Variants in ADCY3 observed in about 807,000 individuals in gnomAD.
The protein encoded by ADCY3 is adenylate cyclase type 3.
ADCY3 carries 70 observed loss-of-function variants against 119.4 expected under a neutral mutation model. That is an observed-to-expected ratio of 0.59 (90% CI 0.48 to 0.72). The LOEUF is 0.72. ADCY3 is among the 30% of genes least tolerant of loss of function. The pLI is 0.00. For synonymous variants in ADCY3, 672 were observed against 621.4 expected (o/e 1.08, Z -1.21); for missense variants, 1,238 against 1,541.6 (o/e 0.80, Z 3.30).
At chr2:24,915,365 C>T (rs1336088007) in intron 2 of ADCY3, among the ~76,000 whole-genome samples, 1 of 152,072 alleles carries the variant, frequency 6.6e-6, no homozygotes, top group Admixed American at 6.5e-5. Context: ...GGGCCTGGTC[C>T]CCTGGTTCTT....
intron 19 of ADCY3, 167 bp from the exon 20 acceptor site, chr2:24,821,807 ACT>A (rs1667766383): frequency 2.0e-6 from 2 of 1,002,638 alleles, no homozygotes; most frequent in South Asian, 1.6e-5. Flanking sequence ...CTGACTTGCC[ACT>A]GTGACAAAGT....
At chr2:24,895,957 A>G (rs746675807) in intron 2 of ADCY3, among the ~76,000 whole-genome samples, 22 of 152,040 alleles carry the variant, frequency 1.4e-4, no homozygotes, top group Non-Finnish European at 2.2e-4. Flanking sequence ...CTAGCTTTTC[A>G]TTTTTGATTT....
chr2:24,819,946 C>T lies in ADCY3; in HGVS notation c.3421G>A (p.Val1141Met), dbSNP rs753421229. 34 of 1,613,838 alleles carry T rather than the reference C, an allele frequency of 2.1e-5. No homozygotes were observed. The highest frequency in any genetic ancestry group is 2.8e-5 in the Non-Finnish European group (33 of 1,179,920). Residue 1141 changes from valine (V) to methionine (M), a missense_variant, in exon 22 of 22, where the codon GTG (valine) becomes ATG (methionine). Coordinates refer to ENST00000679454, the MANE Select transcript of ADCY3 (RefSeq NM_004036.5). The stretch of plus-strand genomic sequence containing the variant: ...CTCGAGGCCATTCAGGAGTTGTCCA[C>T]CACCTGGTGGGGCAGTGTGACAGAG... ...GPSVTLPHQV[V>M]DNS
intron 3 of ADCY3, among the ~76,000 whole-genome samples, chr2:24,848,124 C>T (rs949934920): frequency 6.6e-6 from 1 of 152,262 alleles, no homozygotes. Context: ...TAAACAAAAT[C>T]TCTGCAGCAC....
At chr2:24,824,186 A>G (rs187630373) in intron 17 of ADCY3, among the ~76,000 whole-genome samples, 192 bp downstream of exon 17, 23 of 152,352 alleles carry the variant, frequency 1.5e-4, no homozygotes, top group African/African-American at 5.3e-4. Context: ...CACGATGCCT[A>G]CAGCAGTGCA....
chr2:24,844,515 C>T (rs1671446715), intron 3 of ADCY3, among the ~76,000 whole-genome samples: 1 of 152,172 alleles, frequency 6.6e-6, no homozygotes, highest in African/African-American at 2.4e-5. Context: ...GAGAGGCCAG[C>T]TCATCCTGCA....
intron 2 of ADCY3, among the ~76,000 whole-genome samples, chr2:24,877,320 C>T (rs1462131232): frequency 1.3e-5 from 2 of 152,178 alleles, no homozygotes. Flanking sequence ...GGTCAGCAGG[C>T]GAGCTGAGCA....
chr2:24,835,060 A>T lies in ADCY3; in HGVS notation c.1663-124T>A, dbSNP rs1670123081. On this transcript the variant is annotated intron_variant, in intron 9 of 21. Coordinates refer to ENST00000679454, the MANE Select transcript of ADCY3 (RefSeq NM_004036.5). ...GCATACTCGGAGGACCAATCCCTCC[A>T]GCTCTAAAATCCCTTTCCGGGAAGT... is the stretch of plus-strand genomic sequence containing the variant. 4 of 1,279,534 alleles carry T rather than the reference A, an allele frequency of 3.1e-6. No homozygotes were observed. In the African/African-American group the frequency reaches 4.4e-5, roughly 14 times the overall value. The allele number at this position is 1,279,534 out of a possible 1,614,324, so 79.3% of individuals were successfully genotyped here.
At position 24,842,534 on chromosome 2, in the gene ADCY3, G is replaced by C; in HGVS notation, c.826-150C>G. ...GAGAGACCTCACAGATCTGCCTCGG[G>C]AGCAGCCAGGGGTCTGGGACAGGCA... On this transcript the variant is annotated intron_variant, in intron 3 of 21. Coordinates refer to ENST00000679454, the MANE Select transcript of ADCY3 (RefSeq NM_004036.5). This position sits in a 1 kb window ranked among gnomAD's most constrained non-coding sequence, Gnocchi z 4.9. 1 of 1,050,290 alleles carries C rather than the reference G, an allele frequency of 9.5e-7. No individual in the cohort carries two copies. The highest frequency in any genetic ancestry group is 1.4e-6 in the Non-Finnish European group (1 of 733,358). 65.1% of individuals were successfully genotyped at this position (1,050,290 alleles called of 1,614,324 possible). A position where few individuals can be genotyped will look rare whatever the true frequency, so the allele number is the denominator to read the frequency against.
At chr2:24,905,870 G>C (rs1179353637) in intron 2 of ADCY3, among the ~76,000 whole-genome samples, 1 of 152,150 alleles carries the variant, frequency 6.6e-6, no homozygotes, top group African/African-American at 2.4e-5. Flanking sequence ...GTTGGTAAGT[G>C]GGGGAGCTCC....
intron 2 of ADCY3, among the ~76,000 whole-genome samples, chr2:24,915,837 G>A (rs80279846): frequency 0.02 from 3,114 of 152,142 alleles, 91 homozygotes; most frequent in African/African-American, 0.07. Context: ...CACCATGCCC[G>A]GCCCCATTTC....
Position 24,920,110 on chromosome 2 carries a change from C to T in ADCY3, c.-625G>A, listed in dbSNP as rs1395476021. On this transcript the variant is annotated 5_prime_UTR_variant, in exon 1 of 22. Coordinates refer to ENST00000679454, the MANE Select transcript of ADCY3 (RefSeq NM_004036.5). The surrounding 1 kb of genome is among the most constrained non-coding windows in gnomAD (Gnocchi z 4.5). Reference sequence around the variant, plus strand: ...GGCCCTCCCCGGCGGGAGCGCGGGCCGAGCCCGGGGAAGCCCGCCAGCATC... The same window carrying T: ...GGCCCTCCCCGGCGGGAGCGCGGGCTGAGCCCGGGGAAGCCCGCCAGCATC... Among the ~76,000 whole-genome samples, 1 of 145,840 alleles carries T rather than the reference C, an allele frequency of 6.9e-6. No homozygotes were observed. The highest frequency in any genetic ancestry group is 2.1e-4 in the South Asian group (1 of 4,794).
In ADCY3 at chr2:24,894,541, T is replaced by G. The variant is rs1419183769; in HGVS notation, c.676-21822A>C. On this transcript the variant is annotated intron_variant, in intron 2 of 21. Transcript: ENST00000679454. ...TAACAATATACTTTCATTTCTCCCC[T>G]CCTGTCCTTTGTGCTATTTTTGTCA... is the stretch of plus-strand genomic sequence containing the variant. 7.9e-5 allele frequency among the ~76,000 whole-genome samples: 12 copies of G among 152,170 alleles called. No individual in the cohort carries two copies. The East Asian group carries it at 2.3e-3, about 29-fold the overall frequency.
chr2:24,821,947 C>CAAAA, intron 19 of ADCY3: 1 of 321,454 alleles, frequency 3.1e-6, no homozygotes, highest in South Asian at 4.5e-5. Flanking sequence ...GTCAGGTTGT[C>CAAAA]CTTGTTTGGA....
In ADCY3 at chr2:24,834,965, G is replaced by A; in HGVS notation, c.1663-29C>T. The A allele has an allele frequency of 6.2e-7, 1 of 1,608,808 alleles. No homozygotes were observed. Among genetic ancestry groups the A allele is most frequent in the Non-Finnish European group, 8.5e-7 (1 of 1,178,282 alleles). On this transcript the variant is annotated intron_variant, in intron 9 of 21. Transcript: ENST00000679454. This position sits in a 1 kb window ranked among gnomAD's most constrained non-coding sequence, Gnocchi z 4.2. ...TGAGCCAGGGAGGCAGCGTGAGTGGGGCAGATGGGACAGAGTGGTGGGGAA... is the reference window on the plus strand; with the variant it reads ...TGAGCCAGGGAGGCAGCGTGAGTGGAGCAGATGGGACAGAGTGGTGGGGAA...
At chr2:24,867,024 A>T (rs936319443) in intron 3 of ADCY3, among the ~76,000 whole-genome samples, 2 of 152,240 alleles carry the variant, frequency 1.3e-5, no homozygotes, top group Non-Finnish European at 2.9e-5. Flanking sequence ...ACTGGCTGAA[A>T]ATGTTCAAAA....
chr2:24,871,628 A>G (rs954028283), intron 3 of ADCY3, among the ~76,000 whole-genome samples: 53 of 152,260 alleles, frequency 3.5e-4, no homozygotes, highest in Admixed American at 2.0e-4. Context: ...GGCAGCATCT[A>G]TGAAAACAGC....
chr2:24,911,127 T>C (rs182932668), intron 2 of ADCY3, among the ~76,000 whole-genome samples: 3 of 151,712 alleles, frequency 2.0e-5, no homozygotes, highest in Non-Finnish European at 2.9e-5. Flanking sequence ...ATCCCCCAAA[T>C]TGCTCCTTCT....
At chr2:24,913,080 G>T (rs181932678) in intron 2 of ADCY3, among the ~76,000 whole-genome samples, 1 of 152,180 alleles carries the variant, frequency 6.6e-6, no homozygotes, top group Non-Finnish European at 1.5e-5. Flanking sequence ...CTTCTTTCCC[G>T]TCCCGGGTCA....
Sources: allele counts gnomAD v4.1 joint callset (sites outside exome capture counted in the v4.1 genomes callset), GRCh38; gene constraint gnomAD v4.1.1; non-coding constraint Gnocchi (gnomAD v3.1); transcripts MANE v1.5; gene names NCBI Gene and HGNC (gene_info 2026-07-23, HGNC 2026-07-21).